The following TAS2R1 variants were observed in gnomAD, a reference collection of about 807,000 sequenced individuals.
The protein encoded by TAS2R1 is taste 2 receptor member 1.
For synonymous variants in TAS2R1, 141 were observed against 134.2 expected, an observed-to-expected ratio of 1.05 and a Z score of -0.35; for missense variants, 370 against 353.4, an observed-to-expected ratio of 1.05 and a Z score of -0.38.
intron 2 of TAS2R1, among the ~76,000 whole-genome samples, chr5:9,647,111 C>T (rs923415443): frequency 2.0e-5 from 3 of 152,004 alleles, no homozygotes; most frequent in African/African-American, 4.8e-5. Context: ...ACCATGAACT[C>T]GGCTTTTTAA....
chr5:9,811,835 C>T, the TAS2R1 span, among the ~76,000 whole-genome samples: 1 of 152,078 alleles, frequency 6.6e-6, no homozygotes, highest in Non-Finnish European at 1.5e-5. Context: ...TGATGTGTTT[C>T]TGCCAATCTC....
At chr5:9,632,599 T>C (rs1329006867), upstream of TAS2R1, among the ~76,000 whole-genome samples, 1 of 152,224 alleles carries the variant, frequency 6.6e-6, no homozygotes, top group Admixed American at 6.5e-5. Context: ...TATGAAATGT[T>C]CTGAATCCTT....
the TAS2R1 span, among the ~76,000 whole-genome samples, chr5:9,850,002 T>C: frequency 1.1e-3 from 175 of 152,314 alleles, no homozygotes; most frequent in Non-Finnish European, 2.0e-3. Context: ...TCACAGTTCG[T>C]GCTAAGTCCC....
intron 1 of TAS2R1, among the ~76,000 whole-genome samples, chr5:9,693,369 A>G (rs1741288072): frequency 6.6e-6 from 1 of 151,992 alleles, no homozygotes; most frequent in Admixed American, 6.5e-5. Flanking sequence ...TACTAAAAAT[A>G]CAAAATTAGC....
At chr5:9,785,351 A>G in the TAS2R1 span, among the ~76,000 whole-genome samples, 1 of 152,220 alleles carries the variant, frequency 6.6e-6, no homozygotes, top group African/African-American at 2.4e-5. Context: ...TTTTGCTTTT[A>G]TCACACAATA....
the TAS2R1 span, among the ~76,000 whole-genome samples, chr5:9,724,063 T>A: frequency 6.6e-6 from 1 of 152,230 alleles, no homozygotes; most frequent in Non-Finnish European, 1.5e-5. Context: ...GGCTTCTTCG[T>A]GAAGACTTAA....
At chr5:9,828,242 C>T in the TAS2R1 span, among the ~76,000 whole-genome samples, 16 of 152,264 alleles carry the variant, frequency 1.1e-4, no homozygotes, top group Middle Eastern at 0.014. Context: ...TCTCCTGCCT[C>T]GGCCTCCTGA....
intron 1 of TAS2R1, among the ~76,000 whole-genome samples, chr5:9,670,971 G>T (rs146537660): frequency 1.5e-3 from 233 of 152,280 alleles, no homozygotes; most frequent in African/African-American, 5.3e-3. Context: ...TTCCTGGGGT[G>T]CAAGGTTGGT....
intron 1 of TAS2R1, among the ~76,000 whole-genome samples, chr5:9,662,715 T>C (rs1049850760): frequency 1.1e-4 from 16 of 152,174 alleles, no homozygotes; most frequent in Non-Finnish European, 2.1e-4. Context: ...CAAAACTCTA[T>C]CCGTGTTCTG....
chr5:9,676,954 A>G (rs750818991), intron 1 of TAS2R1, among the ~76,000 whole-genome samples: 1 of 152,184 alleles, frequency 6.6e-6, no homozygotes, highest in Non-Finnish European at 1.5e-5. Flanking sequence ...ACACATGCAC[A>G]TGTATGTTCA....
At chr5:9,848,625 T>C in the TAS2R1 span, among the ~76,000 whole-genome samples, 2 of 152,214 alleles carry the variant, frequency 1.3e-5, no homozygotes, top group Admixed American at 1.3e-4. Flanking sequence ...ATGTGGAAGA[T>C]GATACCATGT....
At chr5:9,788,789 G>A in the TAS2R1 span, among the ~76,000 whole-genome samples, 1 of 152,144 alleles carries the variant, frequency 6.6e-6, no homozygotes, top group Non-Finnish European at 1.5e-5. Flanking sequence ...CAGAGTGGAG[G>A]TTGTAAGTGA....
chr5:9,776,072 G>T, the TAS2R1 span, among the ~76,000 whole-genome samples: 9 of 152,180 alleles, frequency 5.9e-5, no homozygotes, highest in Non-Finnish European at 1.2e-4. Flanking sequence ...CAGAACCCCA[G>T]AACACTTTAG....
At chr5:9,769,984 G>A in the TAS2R1 span, among the ~76,000 whole-genome samples, 2 of 152,044 alleles carry the variant, frequency 1.3e-5, no homozygotes, top group African/African-American at 2.4e-5. Context: ...CAAGAAATCT[G>A]TGCCCCAACT....
At chr5:9,760,809 C>A in the TAS2R1 span, 1 of 152,330 alleles carries the variant, frequency 6.6e-6, no homozygotes, top group Non-Finnish European at 1.5e-5. Context: ...CTCACTATTT[C>A]TACACAACAC....
the TAS2R1 span, among the ~76,000 whole-genome samples, chr5:9,790,857 C>G: frequency 6.6e-6 from 1 of 152,100 alleles, no homozygotes; most frequent in Non-Finnish European, 1.5e-5. Context: ...CCAGGCTGGT[C>G]TTAAACTCTT....
At chr5:9,871,806 T>C in the TAS2R1 span, among the ~76,000 whole-genome samples, 1 of 152,176 alleles carries the variant, frequency 6.6e-6, no homozygotes, top group Non-Finnish European at 1.5e-5. Flanking sequence ...AGCATTTTAA[T>C]ATATACAAGA....
intron 1 of TAS2R1, among the ~76,000 whole-genome samples, chr5:9,680,331 T>A (rs1241543840): frequency 6.6e-6 from 1 of 152,152 alleles, no homozygotes; most frequent in African/African-American, 2.4e-5. Context: ...TTTATGTAGA[T>A]ATTCTTTCCT....
intron 1 of TAS2R1, among the ~76,000 whole-genome samples, chr5:9,671,959 A>T (rs1740767075): frequency 6.6e-6 from 1 of 152,130 alleles, no homozygotes; most frequent in Admixed American, 6.6e-5. Context: ...CACATAGATC[A>T]ATGGGACAGA....
Sources: gnomAD v4.1 joint callset for allele counts (sites outside exome capture counted in the v4.1 genomes callset) on GRCh38, gnomAD v4.1.1 for gene constraint, MANE v1.5 for transcripts, NCBI Gene and HGNC (gene_info 2026-07-23, HGNC 2026-07-21) for gene names.